YJU2: variants seen among roughly 807,000 people sequenced by gnomAD.
YJU2 encodes YJU2 splicing factor homolog.
YJU2 carries 28 observed loss-of-function variants against 39.6 expected under a neutral mutation model. The ratio of observed to expected loss-of-function variants is 0.71; its 90% CI spans 0.52 to 0.97. The LOEUF (loss-of-function observed/expected upper bound fraction) is 0.97, where lower values mean the gene tolerates loss of function less well. Among genes scored for constraint, YJU2 ranks in the 50% least tolerant of loss-of-function variants. The probability of loss-of-function intolerance (pLI) is 0.00; values close to 1 mark genes in which losing one functional copy is unlikely to be tolerated. For missense variants in YJU2, 328 were observed against 430.4 expected, an observed-to-expected ratio of 0.76 and a Z score of 2.11; for synonymous variants, 184 against 182.4, an observed-to-expected ratio of 1.01 and a Z score of -0.07.
intron 4 of YJU2, 53 bp downstream of exon 4, chr19:4,254,542 T>C: frequency 1.3e-6 from 2 of 1,494,254 alleles, no homozygotes; most frequent in African/African-American, 1.4e-5. Flanking sequence ...TGGGTGTGTG[T>C]GTGTGCCAAT....
At chr19:4,248,834 G>C (rs1004868602) in intron 1 of YJU2, among the ~76,000 whole-genome samples, 1 of 152,050 alleles carries the variant, frequency 6.6e-6, no homozygotes, top group South Asian at 2.1e-4. Context: ...CAGGAGAATC[G>C]CTTGAACCCA....
chr19:4,259,707 T>A (rs1231866649), intron 5 of YJU2, among the ~76,000 whole-genome samples: 4 of 152,232 alleles, frequency 2.6e-5, no homozygotes, highest in Middle Eastern at 3.4e-3. Context: ...CGACCACCTC[T>A]GAGCCCGCGT....
chr19:4,253,255 G>T (rs146188618), intron 3 of YJU2, among the ~76,000 whole-genome samples: 3 of 144,526 alleles, frequency 2.1e-5, no homozygotes, highest in Admixed American at 2.1e-4. Context: ...ATTAAAAAAA[G>T]AAACTAAAGG....
rs915627173 is a variant in YJU2 at position 4,249,338 on chromosome 19, C to G, written c.125+10C>G. The stretch of plus-strand genomic sequence containing the variant: ...CCCCCTTCAACATGAGGTGAGCACC[C>G]CCTGCGTGACCCCACACACCAGTCA... On this transcript the variant is annotated intron_variant, in intron 2 of 7. Coordinates refer to ENST00000262962, the MANE Select transcript of YJU2 (RefSeq NM_018074.6). 1 of 1,566,452 alleles carries G rather than the reference C, an allele frequency of 6.4e-7. No individual in the cohort carries two copies. Among genetic ancestry groups the G allele is most frequent in the Admixed American group, 1.7e-5 (1 of 59,342 alleles).
chr19:4,249,154 A>T, intron 1 of YJU2, 74 bp from the exon 2 acceptor site: 2 of 988,070 alleles, frequency 2.0e-6, no homozygotes, highest in Non-Finnish European at 3.1e-6. Context: ...AGCTCCCCAG[A>T]GCCCCTTCCC....
intron 5 of YJU2, among the ~76,000 whole-genome samples, chr19:4,259,516 A>G (rs1485075458): frequency 6.6e-6 from 1 of 151,958 alleles, no homozygotes; most frequent in Admixed American, 6.6e-5. Context: ...GGTAGCTGGG[A>G]CCACAGGGAC....
At chr19:4,263,809 CAAAAA>C (rs34863832) in intron 6 of YJU2, among the ~76,000 whole-genome samples, 2 of 98,384 alleles carry the variant, frequency 2.0e-5, no homozygotes, top group African/African-American at 3.6e-5. Flanking sequence ...GACTCTATCT[CAAAAA>C]AAAAAAAAAA....
At chr19:4,255,729 A>C (rs199530725) in intron 4 of YJU2, among the ~76,000 whole-genome samples, 1 of 54,998 alleles carries the variant, frequency 1.8e-5, no homozygotes, top group Admixed American at 1.5e-4. Flanking sequence ...TTCTGTGTCA[A>C]AAAAAAAAAA....
At chr19:4,263,552 G>A (rs1411827426) in intron 6 of YJU2, among the ~76,000 whole-genome samples, 1 of 152,146 alleles carries the variant, frequency 6.6e-6, no homozygotes, top group Admixed American at 6.6e-5. Context: ...TCAAAGTGCT[G>A]TAATCCCAGC....
intron 3 of YJU2, among the ~76,000 whole-genome samples, chr19:4,251,440 G>A (rs1305866022): frequency 6.6e-6 from 1 of 152,150 alleles, no homozygotes; most frequent in Non-Finnish European, 1.5e-5. Context: ...TGTACTCCCA[G>A]CACTTTGGGC....
chr19:4,265,091 A>G (rs762635858), intron 6 of YJU2, among the ~76,000 whole-genome samples: 31 of 151,990 alleles, frequency 2.0e-4, no homozygotes, highest in African/African-American at 5.8e-4. Flanking sequence ...AAGCAGTCCA[A>G]CCTTTTTTGA....
Position 4,264,492 on chromosome 19 carries a change from T to C in YJU2, c.708+2378T>C, listed in dbSNP as rs143474788. Among the ~76,000 whole-genome samples the C allele has an allele frequency of 2.2e-3, 326 of 149,100 alleles. 3 individuals carry two copies. In the East Asian group the frequency reaches 0.023, roughly 10 times the overall value. On this transcript the variant is annotated intron_variant, in intron 6 of 7. Coordinates refer to ENST00000262962, the MANE Select transcript of YJU2 (RefSeq NM_018074.6). ...CTGGCTAATTTTTCTTTTCTTTCTT[T>C]CTTTTTTTTTTTTTAGACAGTTTCA...
intron 6 of YJU2, among the ~76,000 whole-genome samples, chr19:4,264,132 G>C (rs1971095916): frequency 1.3e-5 from 2 of 150,776 alleles, no homozygotes; most frequent in East Asian, 4.0e-4. Flanking sequence ...CGTGGTGGCG[G>C]GCGCCTGTAG....
rs766534616 is a variant in YJU2 at position 4,267,707 on chromosome 19, C to G, written c.792C>G (p.Val264=). Residue 264 remains valine, a synonymous_variant, in exon 7 of 8, where the codon GTC becomes GTG. Coordinates refer to ENST00000262962, the MANE Select transcript of YJU2 (RefSeq NM_018074.6). ...GCCGGCCCCCGCTGTCGAGGCTGGT[C>G]GTGGTGAAGAAGGCAAAGGCCGACC... ...LGSRPPLSRL[V]VVKKAKADPD... is the part of the protein sequence containing the mutation. The G allele has an allele frequency of 8.7e-6, 14 of 1,613,116 alleles. No individual in the cohort carries two copies. Among genetic ancestry groups the G allele is most frequent in the Non-Finnish European group, 1.2e-5 (14 of 1,179,912 alleles).
At chr19:4,250,049 T>G (rs1970963153) in intron 2 of YJU2, among the ~76,000 whole-genome samples, 1 of 152,226 alleles carries the variant, frequency 6.6e-6, no homozygotes, top group East Asian at 1.9e-4. Flanking sequence ...TTGTCTGCCA[T>G]AGGTCATGGC....
At chr19:4,247,592 T>C (rs1568359518) in intron 1 of YJU2, among the ~76,000 whole-genome samples, 96 of 5,518 alleles carry the variant, frequency 0.017, 13 homozygotes, top group African/African-American at 0.024. Flanking sequence ...CGTGTGTGTG[T>C]GTGTGTGTGT....
chr19:4,262,822 C>T (rs1417021525), intron 6 of YJU2, among the ~76,000 whole-genome samples: 4 of 151,984 alleles, frequency 2.6e-5, no homozygotes, highest in Non-Finnish European at 4.4e-5. Flanking sequence ...GCAGGAGGAC[C>T]GCTTGAGCCC....
chr19:4,249,091 G>A (rs1568360027), intron 1 of YJU2, 137 bp from the exon 2 acceptor site: 2 of 614,070 alleles, frequency 3.3e-6, no homozygotes, highest in Middle Eastern at 2.6e-4. Context: ...TGAGTCCTGC[G>A]AGTCCTCCCT....
intron 5 of YJU2, among the ~76,000 whole-genome samples, 185 bp downstream of exon 5, chr19:4,258,608 G>A (rs556190847): frequency 3.3e-5 from 5 of 152,356 alleles, no homozygotes; most frequent in East Asian, 1.9e-4. Flanking sequence ...TGCCGGGCAC[G>A]GTGACTTAGC....
Sources: allele counts gnomAD v4.1 joint callset (sites outside exome capture counted in the v4.1 genomes callset), GRCh38; gene constraint gnomAD v4.1.1; transcripts MANE v1.5; gene names NCBI Gene and HGNC (gene_info 2026-07-23, HGNC 2026-07-21).